The following DOCK6 variants were observed in gnomAD, a reference collection of about 807,000 sequenced individuals.
DOCK6 encodes the protein dedicator of cytokinesis protein 6.
In DOCK6, 167 loss-of-function variants were observed where a neutral mutation model predicts 230.3. That is an observed-to-expected ratio of 0.73 (90% confidence interval 0.64 to 0.82). The LOEUF is 0.82. Among genes scored for constraint, DOCK6 ranks in the 40% least tolerant of loss-of-function variants. The pLI is 0.00. For synonymous variants in DOCK6, 1,148 were observed against 1,185.0 expected (o/e 0.97, Z 0.64); for missense variants, 2,598 against 2,825.8 (o/e 0.92, Z 1.83).
At chr19:11,255,980 G>T (rs1009386286) in intron 1 of DOCK6, among the ~76,000 whole-genome samples, 3 of 151,994 alleles carry the variant, frequency 2.0e-5, no homozygotes, top group Non-Finnish European at 4.4e-5. Flanking sequence ...TAGAGACAGG[G>T]TTTCACCGTG....
intron 22 of DOCK6, chr19:11,232,106 G>C (rs767540938): frequency 3.8e-4 from 422 of 1,117,178 alleles, no homozygotes; most frequent in Non-Finnish European, 4.6e-4. Context: ...CCCTAGGTTA[G>C]TCAGATGCAG....
chr19:11,227,636 G>A (rs1269346238), intron 23 of DOCK6, among the ~76,000 whole-genome samples, 159 bp from the exon 24 acceptor site: 13 of 151,474 alleles, frequency 8.6e-5, no homozygotes, highest in Admixed American at 8.6e-4. Flanking sequence ...GGAGGGGCGG[G>A]GCTTTATTAG....
rs778051202 is a variant in DOCK6 at position 11,214,380 on chromosome 19, G to A, written c.4233C>T (p.Ser1411=). The change falls in exon 34 of 48, where the codon AGC becomes AGT. Residue 1411 remains serine (S), a synonymous_variant. Transcript: ENST00000294618. ...QTVMLSEARE[S]VLGAVLKVVL... ...CAACCTTCAGCACTGCCCCCAAGAC[G>A]CTCTCCCGGGCTTCTGAAAGCATCA... The A allele has an allele frequency of 2.5e-6, 4 of 1,613,646 alleles. No individual in the cohort carries two copies. Among genetic ancestry groups the A allele is most frequent in the South Asian group, 1.1e-5 (1 of 91,078 alleles).
intron 1 of DOCK6, among the ~76,000 whole-genome samples, chr19:11,256,613 T>C (rs2080201482): frequency 6.6e-6 from 1 of 152,236 alleles, no homozygotes; most frequent in Admixed American, 6.5e-5. Flanking sequence ...CCATGTTGTC[T>C]TCAAAGACAA....
At chr19:11,208,187 G>A (rs2079294083) in intron 39 of DOCK6, 1 of 152,390 alleles carries the variant, frequency 6.6e-6, no homozygotes, top group Non-Finnish European at 1.5e-5. Flanking sequence ...CATCTCTAAT[G>A]TATGTAAGGC....
In DOCK6 at chr19:11,209,013, G is replaced by GGCGTGGTTGCCCAGCTCC; in HGVS notation, c.4824_4841dup (p.Leu1610_Glu1615dup). The stretch of plus-strand genomic sequence containing the variant: ...CGTGCACCATGCACTGGGCGGCCTC[G>GGCGTGGTTGCCCAGCTCC]GCGTGGTTGCCCAGCTCCGCGTGCT... On this transcript the variant is annotated inframe_insertion, in exon 38 of 48. Transcript: ENST00000294618. 2 of 1,611,624 alleles carry GGCGTGGTTGCCCAGCTCC rather than the reference G, an allele frequency of 1.2e-6. No individual in the cohort carries two copies. The highest frequency in any genetic ancestry group is 4.5e-5 in the East Asian group (2 of 44,832).
intron 31 of DOCK6, 55 bp from the exon 32 acceptor site, chr19:11,215,526 A>G (rs1396277134): frequency 8.5e-6 from 13 of 1,523,608 alleles, no homozygotes; most frequent in Admixed American, 3.5e-5. Context: ...GCACACGTGA[A>G]CATCAGGAGA....
chr19:11,223,982 C>A (rs186208755), intron 24 of DOCK6, among the ~76,000 whole-genome samples: 57 of 152,198 alleles, frequency 3.7e-4, no homozygotes, highest in East Asian at 3.1e-3. Context: ...TACTGAGCAT[C>A]TACTCTGTGC....
intron 39 of DOCK6, among the ~76,000 whole-genome samples, chr19:11,205,119 A>G (rs529845637): frequency 5.9e-4 from 90 of 152,290 alleles, no homozygotes; most frequent in African/African-American, 2.2e-3. Flanking sequence ...CTGGCTCAAA[A>G]CAGGCATCCT....
Position 11,208,746 on chromosome 19 carries a change from C to T in DOCK6, c.5028G>A (p.Lys1676=). Residue 1676 remains lysine (K), a synonymous_variant, in exon 39 of 48, where the codon AAG becomes AAA. Coordinates refer to ENST00000294618, the MANE Select transcript of DOCK6 (RefSeq NM_020812.4). ...CTACCAGCCCCAGCTCAGTGAAGTG[C>T]TTCCCGGAGCAGAAGCCCTCCTCGT... is the stretch of plus-strand genomic sequence containing the variant. ...SPDEEGFCSG[K]HFTELGLVGL... is the part of the protein sequence containing the mutation. 6.2e-7 allele frequency: 1 copy of T among 1,613,772 alleles called. No individual in the cohort carries two copies. Among genetic ancestry groups the T allele is most frequent in the South Asian group, 1.1e-5 (1 of 91,090 alleles).
At chr19:11,229,441 G>C (rs2079727867) in intron 22 of DOCK6, 1 of 941,010 alleles carries the variant, frequency 1.1e-6, no homozygotes, top group Non-Finnish European at 1.3e-6. Context: ...TGAGGTGAAG[G>C]GGTATGTGGT....
chr19:11,207,119 C>T (rs994900444), intron 39 of DOCK6, among the ~76,000 whole-genome samples: 2 of 152,038 alleles, frequency 1.3e-5, no homozygotes, highest in South Asian at 2.1e-4. Context: ...AGGAGTCAGC[C>T]ACTGCGCCCA....
intron 39 of DOCK6, 123 bp downstream of exon 39, chr19:11,208,563 G>A (rs2079303449): frequency 7.2e-7 from 1 of 1,386,214 alleles, no homozygotes; most frequent in Non-Finnish European, 9.6e-7. Context: ...ACAGGCGTGA[G>A]CCACCGCGCC....
At chr19:11,218,537 T>C (rs552399530) in intron 28 of DOCK6, among the ~76,000 whole-genome samples, 51 of 152,238 alleles carry the variant, frequency 3.4e-4, no homozygotes, top group Middle Eastern at 3.4e-3. Flanking sequence ...AGCCTCAACC[T>C]CCTGAACTCA....
Position 11,217,121 on chromosome 19 carries a change from C to T in DOCK6, c.3712-25G>A, listed in dbSNP as rs746958922. The stretch of plus-strand genomic sequence containing the variant: ...CCTGGGGCCAGAGAGGAATCAAAGT[C>T]AATTTCCATTTTCTCCATGTGAGAT... On this transcript the variant is annotated intron_variant, in intron 29 of 47. Coordinates refer to ENST00000294618, the MANE Select transcript of DOCK6 (RefSeq NM_020812.4). The T allele has an allele frequency of 8.1e-6, 13 of 1,601,762 alleles. No individual in the cohort carries two copies. The African/African-American group carries it at 9.4e-5, about 12-fold the overall frequency.
In DOCK6 at chr19:11,217,259, C is replaced by T. The variant is rs777390263; in HGVS notation, c.3683G>A (p.Arg1228Gln). Residue 1228 changes from arginine to glutamine, a missense_variant, in exon 29 of 48, where the codon CGG becomes CAG. By Grantham distance (43) the Arg-to-Gln change is conservative. Transcript: ENST00000294618. Reference protein sequence around the residue: ...IAGGPLAPGSRASISQGPPTA... With the variant: ...IAGGPLAPGSQASISQGPPTA... ...TGGTGGCCCCTGGGAGATGCTGGCC[C>T]GGGAGCCAGGGGCTAGGGGGCCACC... The T allele has an allele frequency of 2.5e-5, 40 of 1,612,562 alleles. No homozygotes were observed. Among genetic ancestry groups the T allele is most frequent in the Admixed American group, 6.7e-5 (4 of 59,864 alleles).
At position 11,237,794 on chromosome 19, in the gene DOCK6, C is replaced by T. The variant is rs1242075534; in HGVS notation, c.1833-15G>A. 1 of 1,559,864 alleles carries T rather than the reference C, an allele frequency of 6.4e-7. No homozygotes were observed. Among genetic ancestry groups the T allele is most frequent in the Non-Finnish European group, 8.7e-7 (1 of 1,152,190 alleles). On this transcript the variant is annotated splice_polypyrimidine_tract_variant and intron_variant, in intron 16 of 47. Transcript: ENST00000294618. ...ACTCGGGGGACCTGGCAGAATCGGGCTGGGGGATCTGCTGGGGGCTGGGGT... is the reference window on the plus strand; with the variant it reads ...ACTCGGGGGACCTGGCAGAATCGGGTTGGGGGATCTGCTGGGGGCTGGGGT...
intron 28 of DOCK6, among the ~76,000 whole-genome samples, chr19:11,218,874 C>CTTTTT (rs74180011): frequency 4.8e-5 from 5 of 104,986 alleles, no homozygotes; most frequent in African/African-American, 1.3e-4. Flanking sequence ...AAAAAAATCA[C>CTTTTT]TTTTTTTTTT....
rs1568258057 is a variant in DOCK6 at position 11,245,580 on chromosome 19, T to A, written c.1006A>T (p.Ile336Phe). 3 of 1,560,768 alleles carry A rather than the reference T, an allele frequency of 1.9e-6. No homozygotes were observed. The highest frequency in any genetic ancestry group is 2.6e-6 in the Non-Finnish European group (3 of 1,152,378). ...GCAGGCACCTTGATGACCAGGAAGA[T>A]GTCAGGTGAGGGGTAGGTCACAGAG... ...IFSVTYPSPDIFLVIKLEKVL... is the reference protein window; with the variant it reads ...IFSVTYPSPDFFLVIKLEKVL... The change falls in exon 9 of 48, where the codon ATC becomes TTC. Residue 336 changes from isoleucine (I) to phenylalanine (F), a missense_variant. Ile to Phe is a conservative substitution (Grantham distance 21, BLOSUM62 0). Transcript: ENST00000294618.
Sources: gnomAD v4.1 joint callset for allele counts (sites outside exome capture counted in the v4.1 genomes callset) on GRCh38, gnomAD v4.1.1 for gene constraint, MANE v1.5 for transcripts, NCBI Gene and HGNC (gene_info 2026-07-23, HGNC 2026-07-21) for gene names.